Variants in SKI observed in about 807,000 individuals in gnomAD.
SKI encodes the protein SKI proto-oncogene.
A neutral mutation model predicts 59.3 loss-of-function variants in SKI; 23 were observed. That is an observed-to-expected ratio of 0.39 (90% CI 0.28 to 0.55). The LOEUF is 0.55. SKI is among the 20% of genes least tolerant of loss of function. The probability of loss-of-function intolerance (pLI) is 0.67; values close to 1 mark genes in which losing one functional copy is unlikely to be tolerated. For synonymous variants in SKI, 673 were observed against 488.6 expected, an observed-to-expected ratio of 1.38 and a Z score of -4.98; for missense variants, 1,017 against 1,038.9, an observed-to-expected ratio of 0.98 and a Z score of 0.29.
intron 1 of SKI, among the ~76,000 whole-genome samples, chr1:2,284,952 A>G (rs6689315): frequency 0.31 from 46,654 of 152,164 alleles, 7,532 homozygotes; most frequent in Middle Eastern, 0.41. Context: ...GATGATCAGA[A>G]TTCATAAGTG....
intron 1 of SKI, among the ~76,000 whole-genome samples, chr1:2,289,242 T>C (rs560558823): frequency 6.6e-6 from 1 of 152,116 alleles, no homozygotes; most frequent in Admixed American, 6.5e-5. Context: ...GACCCGGAGG[T>C]GGCCCTCCTG....
rs773540675 is a variant in SKI at position 2,229,385 on chromosome 1, C to T, written c.619C>T (p.Leu207=). 4.4e-6 allele frequency: 7 copies of T among 1,604,624 alleles called. No individual in the cohort carries two copies. Among genetic ancestry groups the T allele is most frequent in the South Asian group, 1.1e-5 (1 of 90,280 alleles). Residue 207 remains leucine, a synonymous_variant, in exon 1 of 7, where the codon CTG becomes TTG. Coordinates refer to ENST00000378536, the MANE Select transcript of SKI (RefSeq NM_003036.4). The surrounding 1 kb of genome is among the most constrained non-coding windows in gnomAD (Gnocchi z 6.3). ...PPCKKELAAS[L]ALGLELSERS... The stretch of plus-strand genomic sequence containing the variant: ...CTGCAAGAAGGAGCTGGCCGCCAGC[C>T]TGGCGCTGGGCCTGGAGCTCAGCGA...
Position 2,238,586 on chromosome 1 carries a change from G to T in SKI, c.969+8851G>T, listed in dbSNP as rs1305235627. Among the ~76,000 whole-genome samples the T allele has an allele frequency of 4.6e-5, 7 of 152,360 alleles. No individual in the cohort carries two copies. In the South Asian group the frequency reaches 1.2e-3, roughly 27 times the overall value. The stretch of plus-strand genomic sequence containing the variant: ...GAGTGAGGGGACTCTTGCCTGCCTG[G>T]TGAGGGTGAGCGTGGGGTCTGGACT... On this transcript the variant is annotated intron_variant, in intron 1 of 6. Transcript: ENST00000378536.
intron 1 of SKI, among the ~76,000 whole-genome samples, chr1:2,257,872 G>C (rs946129787): frequency 6.6e-6 from 1 of 152,096 alleles, no homozygotes; most frequent in Admixed American, 6.5e-5. Context: ...CTGAGTAGCT[G>C]GGATTACAGG....
In SKI at chr1:2,307,365, T is replaced by TA. The variant is rs1233374867; in HGVS notation, c.*601dup. The TA allele has an allele frequency of 1.3e-5, 2 of 152,388 alleles. No individual in the cohort carries two copies. The highest frequency in any genetic ancestry group is 1.5e-5 in the Non-Finnish European group (1 of 68,116). The allele number at this position is 152,388 out of a possible 1,614,324, so 9.4% of individuals were successfully genotyped here. A position where few individuals can be genotyped will look rare whatever the true frequency, so the allele number is the denominator to read the frequency against. ...AGATGAGCTCGAACACTGCCCGCCT[T>TA]ACTGCCGCCTACCCCGCCCGCCACG... On this transcript the variant is annotated 3_prime_UTR_variant, in exon 7 of 7. Transcript: ENST00000378536.
chr1:2,275,894 C>T (rs1419525675), intron 1 of SKI, among the ~76,000 whole-genome samples: 1 of 152,132 alleles, frequency 6.6e-6, no homozygotes, highest in Admixed American at 6.6e-5. Context: ...GCCTCCACCC[C>T]ACCAGTGCAC....
chr1:2,272,154 C>T (rs1215002625), intron 1 of SKI, among the ~76,000 whole-genome samples: 1 of 152,250 alleles, frequency 6.6e-6, no homozygotes, highest in African/African-American at 2.4e-5. Flanking sequence ...CTCTTACGTT[C>T]TCACGACCTC....
intron 1 of SKI, among the ~76,000 whole-genome samples, chr1:2,285,867 A>G (rs1289382935): frequency 7.5e-6 from 1 of 133,306 alleles, no homozygotes; most frequent in Non-Finnish European, 1.6e-5. Context: ...CACCAGCCAG[A>G]AGGTTTTTTT....
intron 1 of SKI, among the ~76,000 whole-genome samples, chr1:2,243,663 A>G (rs1310387259): frequency 2.0e-5 from 3 of 152,080 alleles, no homozygotes. Context: ...AAGCGTCCCA[A>G]CACTCCCTGT....
At chr1:2,276,891 G>A (rs1206125389) in intron 1 of SKI, among the ~76,000 whole-genome samples, 2 of 152,152 alleles carry the variant, frequency 1.3e-5, no homozygotes, top group African/African-American at 4.8e-5. Flanking sequence ...GAATTCCTGG[G>A]TCCCTTTGAC....
Position 2,270,119 on chromosome 1 carries a change from C to T in SKI, c.970-32859C>T, listed in dbSNP as rs948728549. 6.6e-6 allele frequency among the ~76,000 whole-genome samples: 1 copy of T among 152,158 alleles called. No individual in the cohort carries two copies. The highest frequency in any genetic ancestry group is 2.4e-5 in the African/African-American group (1 of 41,436). ...GGAGTTTTGCCCAGGGGTGCTGTGC[C>T]CTGGTCATTGTCCCCTACAGCCAGG... On this transcript the variant is annotated intron_variant, in intron 1 of 6. Coordinates refer to ENST00000378536, the MANE Select transcript of SKI (RefSeq NM_003036.4). The surrounding 1 kb of genome is among the most constrained non-coding windows in gnomAD (Gnocchi z 4.1).
intron 1 of SKI, among the ~76,000 whole-genome samples, chr1:2,247,218 TAAAA>T (rs984604287): frequency 6.6e-5 from 10 of 151,910 alleles, no homozygotes; most frequent in South Asian, 2.1e-4. Context: ...GACTCCATCT[TAAAA>T]AAACAAAAAA....
chr1:2,234,923 G>T (rs376010184), intron 1 of SKI, among the ~76,000 whole-genome samples: 11 of 152,248 alleles, frequency 7.2e-5, no homozygotes, highest in Non-Finnish European at 1.3e-4. Flanking sequence ...TGTCATGGAG[G>T]GGGGGCTGCC....
intron 1 of SKI, among the ~76,000 whole-genome samples, chr1:2,257,616 G>A (rs75088374): frequency 9.6e-4 from 146 of 152,362 alleles, no homozygotes; most frequent in African/African-American, 3.4e-3. Flanking sequence ...TGGGGTTGAA[G>A]CGATGTTGCT....
chr1:2,286,797 C>T (rs1640048448), intron 1 of SKI, among the ~76,000 whole-genome samples: 1 of 152,184 alleles, frequency 6.6e-6, no homozygotes, highest in Non-Finnish European at 1.5e-5. Context: ...TGGGTGGGAC[C>T]AACGCGACCT....
intron 1 of SKI, among the ~76,000 whole-genome samples, chr1:2,251,394 T>C (rs1639144286): frequency 6.6e-6 from 1 of 152,192 alleles, no homozygotes; most frequent in South Asian, 2.1e-4. Context: ...AGTACTGGGA[T>C]TACAGGTGTG....
At chr1:2,232,069 A>G (rs946872469) in intron 1 of SKI, among the ~76,000 whole-genome samples, 21 of 152,150 alleles carry the variant, frequency 1.4e-4, no homozygotes, top group Non-Finnish European at 2.6e-4. Context: ...CTTGTCCTAG[A>G]AGGAGTGGCC....
chr1:2,228,885 C>T lies in SKI; in HGVS notation c.119C>T (p.Ala40Val). 7.0e-7 allele frequency: 1 copy of T among 1,426,098 alleles called. No homozygotes were observed. Among genetic ancestry groups the T allele is most frequent in the Non-Finnish European group, 9.2e-7 (1 of 1,085,786 alleles). 88.3% of individuals were successfully genotyped at this position (1,426,098 alleles called of 1,614,324 possible). The change falls in exon 1 of 7, where the codon GCG (alanine) becomes GTG (valine). Residue 40 changes from alanine (A) to valine (V), a missense_variant. Ala to Val is a moderately conservative substitution (Grantham distance 64, BLOSUM62 0). Coordinates refer to ENST00000378536, the MANE Select transcript of SKI (RefSeq NM_003036.4). ...CTGGGCGGCCCGGCCGCTTTCTCGGCGCGCTGGGCGCAGGAGGCCTACAAG... is the reference window on the plus strand; with the variant it reads ...CTGGGCGGCCCGGCCGCTTTCTCGGTGCGCTGGGCGCAGGAGGCCTACAAG... Reference protein sequence around the residue: ...SSLGGPAAFSARWAQEAYKKE... With the variant: ...SSLGGPAAFSVRWAQEAYKKE...
rs1365304160 is a variant in SKI at position 2,303,469 on chromosome 1, G to A, written c.1211+69G>A. ...CTCCACGAGGGCTGTGCATGCGGAC[G>A]CGCCCATGTTTCTGCAGGCTGGGTG... is the stretch of plus-strand genomic sequence containing the variant. On this transcript the variant is annotated intron_variant, in intron 3 of 6. Transcript: ENST00000378536. The surrounding 1 kb of genome is among the most constrained non-coding windows in gnomAD (Gnocchi z 5.6). 10 of 1,371,582 alleles carry A rather than the reference G, an allele frequency of 7.3e-6. No individual in the cohort carries two copies. Among genetic ancestry groups the A allele is most frequent in the Non-Finnish European group, 9.2e-6 (9 of 973,400 alleles). 85.0% of individuals were successfully genotyped at this position (1,371,582 alleles called of 1,614,324 possible).
Sources: allele counts gnomAD v4.1 joint callset (sites outside exome capture counted in the v4.1 genomes callset), GRCh38; gene constraint gnomAD v4.1.1; non-coding constraint Gnocchi (gnomAD v3.1); transcripts MANE v1.5; gene names NCBI Gene and HGNC (gene_info 2026-07-23, HGNC 2026-07-21).